KATNAL1: variants seen among roughly 807,000 people sequenced by gnomAD.
KATNAL1 encodes katanin p60 ATPase-containing subunit A-like 1.
Under a neutral mutation model 55.2 loss-of-function variants are expected in KATNAL1, and 32 were observed. The ratio of observed to expected loss-of-function variants is 0.58; its 90% CI spans 0.44 to 0.78. The LOEUF is 0.78. Ranked by LOEUF, KATNAL1 falls within the 30% of genes least tolerant of loss-of-function variation. KATNAL1 has a pLI of 0.00. For missense variants in KATNAL1, 466 were observed against 600.9 expected, an observed-to-expected ratio of 0.78 and a Z score of 2.35; for synonymous variants, 193 against 193.6, an observed-to-expected ratio of 1.00 and a Z score of 0.02.
chr13:30,298,089 TAATA>T (rs1243126227), intron 1 of KATNAL1, among the ~76,000 whole-genome samples: 1 of 152,356 alleles, frequency 6.6e-6, no homozygotes, highest in East Asian at 1.9e-4. Flanking sequence ...ATTGCACACT[TAATA>T]AACTATAGTA....
At position 30,305,911 on chromosome 13, in the gene KATNAL1, G is replaced by A. The variant is rs147700863; in HGVS notation, c.-15+1420C>T. 3.0e-3 allele frequency among the ~76,000 whole-genome samples: 462 copies of A among 152,260 alleles called. 3 individuals are homozygous for A. Among genetic ancestry groups the A allele is most frequent in the African/African-American group, 0.011 (445 of 41,542 alleles). On this transcript the variant is annotated intron_variant, in intron 1 of 10. Coordinates refer to ENST00000380615, the MANE Select transcript of KATNAL1 (RefSeq NM_032116.5). ...CAAACCTTATGTTGTATCACATAAG[G>A]CCTCAATTTTGTTTTCTACCTGTCT...
intron 3 of KATNAL1, among the ~76,000 whole-genome samples, chr13:30,258,284 C>T (rs1198145039): frequency 1.3e-5 from 2 of 152,182 alleles, no homozygotes; most frequent in Non-Finnish European, 2.9e-5. Context: ...GCCTCATCTC[C>T]TTCGAAATCC....
At chr13:30,266,846 G>T (rs1879817127) in intron 3 of KATNAL1, among the ~76,000 whole-genome samples, 1 of 152,158 alleles carries the variant, frequency 6.6e-6, no homozygotes, top group Non-Finnish European at 1.5e-5. Context: ...AAGATCTGGA[G>T]GTACAGACAT....
intron 9 of KATNAL1, among the ~76,000 whole-genome samples, chr13:30,224,406 A>G (rs1875226630): frequency 1.3e-5 from 2 of 151,924 alleles, no homozygotes; most frequent in South Asian, 4.2e-4. Flanking sequence ...GCACAGTGAC[A>G]TGTGTTTGTA....
intron 1 of KATNAL1, among the ~76,000 whole-genome samples, chr13:30,303,515 T>C (rs775594335): frequency 5.3e-5 from 8 of 152,210 alleles, no homozygotes; most frequent in Middle Eastern, 3.2e-3. Context: ...CTGTGAGCTA[T>C]GACTGCACCA....
chr13:30,277,732 C>G (rs867065673), intron 3 of KATNAL1, among the ~76,000 whole-genome samples: 1 of 152,096 alleles, frequency 6.6e-6, no homozygotes, highest in Middle Eastern at 3.4e-3. Flanking sequence ...GCCTGTAATC[C>G]CAGCACTTTG....
chr13:30,245,379 T>A (rs117083213), intron 4 of KATNAL1, among the ~76,000 whole-genome samples: 5,257 of 152,158 alleles, frequency 0.035, 104 homozygotes, highest in African/African-American at 0.051. Context: ...ACTCCCAATA[T>A]ACTAGGTATC....
chr13:30,252,116 A>G (rs1001167442), intron 4 of KATNAL1, among the ~76,000 whole-genome samples: 12 of 152,240 alleles, frequency 7.9e-5, no homozygotes, highest in Admixed American at 7.2e-4. Flanking sequence ...CACATAGACA[A>G]GGTTCAAATC....
At chr13:30,295,401 A>G (rs1326888999) in intron 1 of KATNAL1, among the ~76,000 whole-genome samples, 12 of 152,248 alleles carry the variant, frequency 7.9e-5, no homozygotes, top group Non-Finnish European at 5.9e-5. Context: ...GATGTGGTAG[A>G]AAAAGCAAGA....
At chr13:30,235,989 T>C (rs1257305953) in intron 6 of KATNAL1, among the ~76,000 whole-genome samples, 2 of 152,148 alleles carry the variant, frequency 1.3e-5, no homozygotes, top group Admixed American at 6.5e-5. Flanking sequence ...ATTAAGAAAA[T>C]TATGAGAAAA....
At chr13:30,213,041 A>G (rs1252887235) in intron 9 of KATNAL1, among the ~76,000 whole-genome samples, 1 of 151,180 alleles carries the variant, frequency 6.6e-6, no homozygotes, top group East Asian at 2.0e-4. Context: ...GGCCAAGGAG[A>G]GAGGCCCCAG....
At chr13:30,289,336 T>A (rs1264994968) in intron 1 of KATNAL1, among the ~76,000 whole-genome samples, 1 of 152,232 alleles carries the variant, frequency 6.6e-6, no homozygotes, top group East Asian at 1.9e-4. Context: ...GTCTTAAGTT[T>A]ACCTTCTCCA....
chr13:30,231,414 G>A lies in KATNAL1; in HGVS notation c.785C>T (p.Ala262Val), dbSNP rs755247651. 1 of 1,606,416 alleles carries A rather than the reference G, an allele frequency of 6.2e-7. No individual in the cohort carries two copies. The change falls in exon 7 of 11, where the codon GCC becomes GTC. Residue 262 changes from alanine to valine, a missense_variant. Ala to Val is a moderately conservative substitution (Grantham distance 64). Around this residue, in one of 3 missense-constraint regions of KATNAL1, gnomAD observed 213 missense variants for 308.6 expected, o/e 0.69. Transcript: ENST00000380615. ...GAAGAATGTTGTACCACATTCAGTG[G>A]CAACAGCTTTAGCTAGCATAGTTTT... ...TGKTMLAKAV[A>V]TECGTTFFNV...
At position 30,280,217 on chromosome 13, in the gene KATNAL1, G is replaced by C. The variant is rs1486678421; in HGVS notation, c.169C>G (p.Gln57Glu). 11 of 1,565,294 alleles carry C rather than the reference G, an allele frequency of 7.0e-6. No homozygotes were observed. Among genetic ancestry groups the C allele is most frequent in the Non-Finnish European group, 9.5e-6 (11 of 1,163,090 alleles). ...TGTTCATATTCCTCCAATAATTCCT[G>C]CCGAACCTTAAAAAAAAAAAATAGG... Reference protein sequence around the residue: ...AIKGKWQQVRQELLEEYEQVK... With the variant: ...AIKGKWQQVREELLEEYEQVK... Residue 57 changes from glutamine (Q) to glutamate (E), a missense_variant, in exon 3 of 11, where the codon CAG (glutamine) becomes GAG (glutamate). Physicochemically the swap from Gln to Glu is conservative, Grantham distance 29. This residue lies in a region of KATNAL1 where 248 missense variants were observed against 275.5 expected (regional missense o/e 0.90). Transcript: ENST00000380615.
At chr13:30,241,505 A>G (rs1877277532) in intron 4 of KATNAL1, among the ~76,000 whole-genome samples, 1 of 152,216 alleles carries the variant, frequency 6.6e-6, no homozygotes, top group Non-Finnish European at 1.5e-5. Flanking sequence ...TCATTTAATA[A>G]TATAGTTGTT....
intron 10 of KATNAL1, 55 bp downstream of exon 10, chr13:30,210,261 T>G: frequency 6.8e-7 from 1 of 1,467,928 alleles, no homozygotes; most frequent in Non-Finnish European, 9.1e-7. Context: ...TTAAGACCAG[T>G]CCTCCTGCGA....
At chr13:30,277,982 CAAAAAAAAAAAAAAAA>C (rs55683675) in intron 3 of KATNAL1, among the ~76,000 whole-genome samples, 8 of 61,326 alleles carry the variant, frequency 1.3e-4, no homozygotes, top group South Asian at 5.8e-4. Context: ...GACTCCGTCT[CAAAAAAAAAAAAAAAA>C]AAAAAAAAAA....
At chr13:30,265,124 C>CA (rs1428216498) in intron 3 of KATNAL1, among the ~76,000 whole-genome samples, 1 of 147,178 alleles carries the variant, frequency 6.8e-6, no homozygotes, top group Middle Eastern at 3.5e-3. Context: ...ATCGCAAGAA[C>CA]AAAAAACCAA....
chr13:30,210,266 C>A, intron 10 of KATNAL1, 50 bp downstream of exon 10: 2 of 1,496,162 alleles, frequency 1.3e-6, no homozygotes, highest in Admixed American at 2.2e-5. Flanking sequence ...ACCAGTCCTC[C>A]TGCGAAGTCT....
Sources: allele counts gnomAD v4.1 joint callset (sites outside exome capture counted in the v4.1 genomes callset), GRCh38; gene constraint gnomAD v4.1.1; regional missense constraint gnomAD v4.1.1; transcripts MANE v1.5; gene names NCBI Gene and HGNC (gene_info 2026-07-23, HGNC 2026-07-21).